The following RAB38 variants were observed in gnomAD, a reference collection of about 807,000 sequenced individuals.
RAB38 encodes RAB38, member RAS oncogene family, also known as ras-related protein Rab-38.
Under a neutral mutation model 18.4 loss-of-function variants are expected in RAB38, and 15 were observed. That is an observed-to-expected ratio of 0.82 (90% CI 0.55 to 1.26). RAB38 has a LOEUF of 1.26. Among genes scored for constraint, RAB38 ranks in the 50% most tolerant of loss-of-function variants. The pLI is 0.00. For missense variants in RAB38, 294 were observed against 267.4 expected, an observed-to-expected ratio of 1.10 and a Z score of -0.69; for synonymous variants, 101 against 104.4, an observed-to-expected ratio of 0.97 and a Z score of 0.20.
the RAB38 span, among the ~76,000 whole-genome samples, chr11:87,862,356 G>C: frequency 0.016 from 2,499 of 152,050 alleles, 64 homozygotes; most frequent in African/African-American, 0.057. Context: ...CATGTCCTTT[G>C]CTGGGGCATG....
chr11:88,160,108 T>C (rs1019083077), intron 1 of RAB38, among the ~76,000 whole-genome samples: 2 of 151,838 alleles, frequency 1.3e-5, no homozygotes, highest in African/African-American at 2.4e-5. Context: ...CCAGACTATA[T>C]AAGGAATTTA....
chr11:88,164,144 T>C (rs1409997417), intron 1 of RAB38, among the ~76,000 whole-genome samples: 1 of 151,940 alleles, frequency 6.6e-6, no homozygotes, highest in Non-Finnish European at 1.5e-5. Context: ...ATCCATTAAA[T>C]AAATTTTTAT....
chr11:87,950,079 T>A, the RAB38 span, among the ~76,000 whole-genome samples: 1 of 152,232 alleles, frequency 6.6e-6, no homozygotes, highest in African/African-American at 2.4e-5. Flanking sequence ...TGTTCCTGTA[T>A]TGGGTGCATA....
intron 1 of RAB38, among the ~76,000 whole-genome samples, chr11:88,159,199 C>CAATAAATAAATAAATAAATAAATAAATA (rs58379713): frequency 7.0e-6 from 1 of 142,308 alleles, no homozygotes; most frequent in African/African-American, 2.6e-5. Flanking sequence ...ACAATAGCAG[C>CAATAAATAAATAAATAAATAAATAAATA]AATAAATAAA....
chr11:87,953,481 G>A, the RAB38 span, among the ~76,000 whole-genome samples: 1 of 152,050 alleles, frequency 6.6e-6, no homozygotes, highest in African/African-American at 2.4e-5. Flanking sequence ...TCTGAAAATA[G>A]GTGAGTACAC....
chr11:87,922,334 T>G, the RAB38 span, among the ~76,000 whole-genome samples: 4 of 152,038 alleles, frequency 2.6e-5, no homozygotes, highest in Admixed American at 6.6e-5. Flanking sequence ...TTCACATTTA[T>G]TAATTAAAAA....
At chr11:88,024,679 G>GTAC in the RAB38 span, among the ~76,000 whole-genome samples, 1 of 152,050 alleles carries the variant, frequency 6.6e-6, no homozygotes. Context: ...GTGTAATGTA[G>GTAC]TACTATTCAG....
At chr11:87,884,352 G>A in the RAB38 span, among the ~76,000 whole-genome samples, 6 of 152,064 alleles carry the variant, frequency 3.9e-5, no homozygotes, top group South Asian at 2.1e-4. Context: ...TTATTTCCTT[G>A]AAGTGGGGCA....
rs555623728 is a variant in RAB38, at chr11:88,145,988, C to T, written c.483+3687G>A. Among the ~76,000 whole-genome samples the T allele has an allele frequency of 9.9e-5, 15 of 152,214 alleles. No homozygotes were observed. In the East Asian group the frequency reaches 1.9e-3, roughly 20 times the overall value. On this transcript the variant is annotated intron_variant, in intron 2 of 2. Transcript: ENST00000243662. ...AAAGGTTAAAAACCAAAGAATATGA[C>T]GCAGAAAAGACTATTTTCTTTCCTT...
At chr11:88,159,394 A>T (rs1943162697) in intron 1 of RAB38, among the ~76,000 whole-genome samples, 2 of 150,604 alleles carry the variant, frequency 1.3e-5, no homozygotes, top group Admixed American at 1.3e-4. Flanking sequence ...ATATTGTTAA[A>T]ATGGCCACAC....
chr11:88,049,656 C>T, the RAB38 span, among the ~76,000 whole-genome samples: 8 of 152,158 alleles, frequency 5.3e-5, no homozygotes, highest in East Asian at 3.9e-4. Context: ...TGACTTGGAT[C>T]GAGGGGACCT....
chr11:88,033,257 T>A, the RAB38 span, among the ~76,000 whole-genome samples: 1 of 151,914 alleles, frequency 6.6e-6, no homozygotes, highest in Non-Finnish European at 1.5e-5. Flanking sequence ...GGGATAGCAT[T>A]GGGAGATATA....
At chr11:87,952,919 TTTATTATAGACAATAAGTATTTTTCATG>T in the RAB38 span, among the ~76,000 whole-genome samples, 3 of 152,196 alleles carry the variant, frequency 2.0e-5, no homozygotes, top group South Asian at 4.1e-4. Flanking sequence ...TGTTTGTGTC[TTTATTATAGACAATAAGTATTTTTCATG>T]TTTTAAATGT....
chr11:88,130,520 T>C (rs951481093), intron 2 of RAB38, among the ~76,000 whole-genome samples: 9 of 152,190 alleles, frequency 5.9e-5, no homozygotes, highest in Admixed American at 2.0e-4. Context: ...AATGGAGATA[T>C]AAACACAATA....
At chr11:87,915,312 G>C in the RAB38 span, among the ~76,000 whole-genome samples, 14 of 152,106 alleles carry the variant, frequency 9.2e-5, no homozygotes, top group Non-Finnish European at 1.9e-4. Context: ...CACACAATGA[G>C]ATAGGAGGAT....
the RAB38 span, among the ~76,000 whole-genome samples, chr11:87,807,436 T>C: frequency 1.3e-5 from 2 of 152,222 alleles, no homozygotes; most frequent in East Asian, 3.8e-4. Flanking sequence ...TTGTTCTTTA[T>C]GGCTGGAAAA....
chr11:87,885,143 G>A, the RAB38 span, among the ~76,000 whole-genome samples: 7 of 152,006 alleles, frequency 4.6e-5, no homozygotes, highest in South Asian at 2.1e-4. Context: ...AACCTGCTAC[G>A]TAATCAAAAT....
the RAB38 span, among the ~76,000 whole-genome samples, chr11:87,935,506 A>G: frequency 9.2e-5 from 14 of 152,176 alleles, no homozygotes; most frequent in African/African-American, 3.1e-4. Context: ...CTTTTTTGGA[A>G]TAAGAACCAG....
chr11:87,833,022 C>T, the RAB38 span, among the ~76,000 whole-genome samples: 1 of 152,130 alleles, frequency 6.6e-6, no homozygotes, highest in African/African-American at 2.4e-5. Context: ...ACCATAGACC[C>T]AATTAGTCTT....
Sources: gnomAD v4.1 joint callset for allele counts (sites outside exome capture counted in the v4.1 genomes callset) on GRCh38, gnomAD v4.1.1 for gene constraint, MANE v1.5 for transcripts, NCBI Gene and HGNC (gene_info 2026-07-23, HGNC 2026-07-21) for gene names.